ZFPM2: variants seen among roughly 807,000 people sequenced by gnomAD.
ZFPM2 encodes zinc finger protein ZFPM2.
A neutral mutation model predicts 98.6 loss-of-function variants in ZFPM2; 20 were observed. The observed-to-expected ratio is 0.20, with a 90% CI of 0.14 to 0.29. ZFPM2 has a LOEUF of 0.29. Ranked by LOEUF, ZFPM2 falls within the 10% of genes least tolerant of loss-of-function variation. The probability of loss-of-function intolerance (pLI) is 1.00; values close to 1 mark genes in which losing one functional copy is unlikely to be tolerated. For synonymous variants in ZFPM2, 518 were observed against 502.7 expected (o/e 1.03, Z -0.41); for missense variants, 1,310 against 1,388.6 (o/e 0.94, Z 0.90).
chr8:105,713,000 G>GTTTAT (rs1811439733), intron 5 of ZFPM2, among the ~76,000 whole-genome samples: 1 of 151,998 alleles, frequency 6.6e-6, no homozygotes, highest in Non-Finnish European at 1.5e-5. Flanking sequence ...AAACGTATGA[G>GTTTAT]TGCAGGTGTT....
At chr8:105,514,781 T>A (rs1301508520) in intron 3 of ZFPM2, among the ~76,000 whole-genome samples, 1 of 152,204 alleles carries the variant, frequency 6.6e-6, no homozygotes, top group Admixed American at 6.5e-5. Context: ...TATGTCTCCC[T>A]GTGTGAATGT....
chr8:105,523,174 A>G (rs760917901), intron 3 of ZFPM2, among the ~76,000 whole-genome samples: 5 of 152,198 alleles, frequency 3.3e-5, no homozygotes, highest in Admixed American at 6.6e-5. Context: ...TTTGTACATA[A>G]TAAATGGTCA....
chr8:105,426,282 A>C (rs887567572), intron 2 of ZFPM2, among the ~76,000 whole-genome samples: 1 of 152,212 alleles, frequency 6.6e-6, no homozygotes, highest in African/African-American at 2.4e-5. Flanking sequence ...GGAATAAAAA[A>C]GAAAAGCCAA....
intron 3 of ZFPM2, among the ~76,000 whole-genome samples, chr8:105,470,599 G>A (rs573710524): frequency 1.8e-3 from 279 of 152,206 alleles, no homozygotes; most frequent in South Asian, 9.1e-3. Flanking sequence ...ACAAAATGGC[G>A]AAACCTTGTC....
intron 5 of ZFPM2, among the ~76,000 whole-genome samples, chr8:105,786,547 GCT>G: frequency 1.3e-5 from 2 of 152,044 alleles, no homozygotes; most frequent in South Asian, 4.2e-4. Flanking sequence ...AGAATGATAC[GCT>G]CTGACTAAAC....
At chr8:105,499,750 G>C (rs1390813861) in intron 3 of ZFPM2, among the ~76,000 whole-genome samples, 1 of 151,994 alleles carries the variant, frequency 6.6e-6, no homozygotes. Flanking sequence ...GATTGTTTTA[G>C]AGGAGACCCA....
intron 2 of ZFPM2, among the ~76,000 whole-genome samples, chr8:105,428,106 G>A (rs1208508859): frequency 6.6e-6 from 1 of 152,162 alleles, no homozygotes; most frequent in African/African-American, 2.4e-5. Flanking sequence ...AACTAATTTT[G>A]CTTCCTGATG....
chr8:105,443,742 G>A (rs1563661410), intron 2 of ZFPM2, among the ~76,000 whole-genome samples: 1 of 152,230 alleles, frequency 6.6e-6, no homozygotes, highest in East Asian at 1.9e-4. Flanking sequence ...TGAGTCACTG[G>A]CTAATCATTT....
At chr8:105,571,985 T>G (rs970317819) in intron 4 of ZFPM2, among the ~76,000 whole-genome samples, 1 of 151,966 alleles carries the variant, frequency 6.6e-6, no homozygotes, top group African/African-American at 2.4e-5. Context: ...TAAAGCTCTG[T>G]GTTGATGCTG....
At chr8:105,701,726 A>G (rs1451620110) in intron 5 of ZFPM2, among the ~76,000 whole-genome samples, 1 of 152,234 alleles carries the variant, frequency 6.6e-6, no homozygotes, top group Non-Finnish European at 1.5e-5. Flanking sequence ...CTGAAAATAT[A>G]GTCTTCATGG....
At chr8:105,379,795 A>G (rs1810807574) in intron 1 of ZFPM2, among the ~76,000 whole-genome samples, 1 of 152,154 alleles carries the variant, frequency 6.6e-6, no homozygotes, top group African/African-American at 2.4e-5. Context: ...GTAAGAACCA[A>G]AACTGGCCAT....
chr8:105,789,091 T>C lies in ZFPM2; in HGVS notation c.739+167T>C, dbSNP rs1041786183. 5.6e-5 allele frequency: 33 copies of C among 585,406 alleles called. No homozygotes were observed. In the African/African-American group the frequency reaches 5.8e-4, roughly 10 times the overall value. 36.3% of individuals were successfully genotyped at this position (585,406 alleles called of 1,614,324 possible). A position where few individuals can be genotyped will look rare whatever the true frequency, so the allele number is the denominator to read the frequency against. On this transcript the variant is annotated intron_variant, in intron 6 of 7. Coordinates refer to ENST00000407775, the MANE Select transcript of ZFPM2 (RefSeq NM_012082.4). ...TTTAATTTGAGAAAATGATGTTACT[T>C]TTTTTTTTTATACTTTAAGTTTTAG...
At chr8:105,665,537 C>T (rs957404586) in intron 5 of ZFPM2, among the ~76,000 whole-genome samples, 3 of 152,092 alleles carry the variant, frequency 2.0e-5, no homozygotes, top group Non-Finnish European at 2.9e-5. Flanking sequence ...ATTCTCTGTT[C>T]AGGAATGGTT....
chr8:105,733,070 T>C (rs1054279791), intron 5 of ZFPM2, among the ~76,000 whole-genome samples: 3 of 151,954 alleles, frequency 2.0e-5, no homozygotes, highest in African/African-American at 4.8e-5. Flanking sequence ...TTCATACTAA[T>C]GATTGGAATA....
At chr8:105,726,724 G>A (rs1811815965) in intron 5 of ZFPM2, among the ~76,000 whole-genome samples, 1 of 151,748 alleles carries the variant, frequency 6.6e-6, no homozygotes, top group African/African-American at 2.4e-5. Context: ...GTTTCCAATG[G>A]ATGGTTTAGG....
At chr8:105,375,294 C>T (rs551497595) in intron 1 of ZFPM2, among the ~76,000 whole-genome samples, 1 of 152,168 alleles carries the variant, frequency 6.6e-6, no homozygotes, top group Admixed American at 6.5e-5. Flanking sequence ...ATGGAAAGAG[C>T]CCTAAGACTA....
chr8:105,564,842 T>G (rs987022230), intron 4 of ZFPM2, among the ~76,000 whole-genome samples: 2 of 152,192 alleles, frequency 1.3e-5, no homozygotes, highest in Non-Finnish European at 2.9e-5. Flanking sequence ...GTAATTAGAC[T>G]ACTTGAGCAG....
rs1262982071 is a variant in ZFPM2 at position 105,786,319 on chromosome 8, A to C, written c.533-2399A>C. Among the ~76,000 whole-genome samples, 5 of 152,170 alleles carry C rather than the reference A, an allele frequency of 3.3e-5. No homozygotes were observed. The East Asian group carries it at 9.6e-4, about 29-fold the overall frequency. ...TCAGTCCTCTTACATTTTCTTTAGC[A>C]TGAAGGAATGACACTCTTAATGTGA... On this transcript the variant is annotated intron_variant, in intron 5 of 7. Coordinates refer to ENST00000407775, the MANE Select transcript of ZFPM2 (RefSeq NM_012082.4).
intron 1 of ZFPM2, among the ~76,000 whole-genome samples, chr8:105,385,746 T>C (rs1021949647): frequency 6.6e-5 from 10 of 152,182 alleles, no homozygotes; most frequent in African/African-American, 2.4e-4. Flanking sequence ...TGTCATTCCT[T>C]CATTGGCACA....
Sources: allele counts gnomAD v4.1 joint callset (sites outside exome capture counted in the v4.1 genomes callset), GRCh38; gene constraint gnomAD v4.1.1; transcripts MANE v1.5; gene names NCBI Gene and HGNC (gene_info 2026-07-23, HGNC 2026-07-21).